MPPED1: variants seen among roughly 807,000 people sequenced by gnomAD.
The protein encoded by MPPED1 is metallophosphoesterase domain containing 1.
In MPPED1, 16 loss-of-function variants were observed where a neutral mutation model predicts 36.2. The ratio of observed to expected loss-of-function variants is 0.44; its 90% CI spans 0.30 to 0.67. The LOEUF (loss-of-function observed/expected upper bound fraction) is 0.67. Ranked by LOEUF, MPPED1 falls within the 30% of genes least tolerant of loss-of-function variation. MPPED1 has a pLI of 0.10. For missense variants in MPPED1, 307 were observed against 453.4 expected (o/e 0.68, Z 2.93); for synonymous variants, 199 against 191.3 (o/e 1.04, Z -0.33).
At chr22:43,437,875 C>A (rs925451095) in intron 3 of MPPED1, among the ~76,000 whole-genome samples, 1 of 152,120 alleles carries the variant, frequency 6.6e-6, no homozygotes, top group Non-Finnish European at 1.5e-5. Context: ...GGACCTGAAC[C>A]TTGAGGTTGA....
At chr22:43,433,218 C>T (rs1929827950) in intron 2 of MPPED1, among the ~76,000 whole-genome samples, 1 of 152,034 alleles carries the variant, frequency 6.6e-6, no homozygotes, top group Non-Finnish European at 1.5e-5. Context: ...ATGGAAGCTT[C>T]CAGAAGACCC....
At chr22:43,477,463 C>T (rs1423554955) in intron 4 of MPPED1, among the ~76,000 whole-genome samples, 1 of 152,202 alleles carries the variant, frequency 6.6e-6, no homozygotes, top group Non-Finnish European at 1.5e-5. Flanking sequence ...GCCACTCTGG[C>T]CGCTACCCTC....
chr22:43,467,980 G>A (rs1355941128), intron 3 of MPPED1, among the ~76,000 whole-genome samples: 1 of 152,086 alleles, frequency 6.6e-6, no homozygotes, highest in East Asian at 1.9e-4. Context: ...GATTAATCTC[G>A]GAAGCACAAA....
chr22:43,439,088 G>A (rs191572934), intron 3 of MPPED1, among the ~76,000 whole-genome samples: 16 of 152,246 alleles, frequency 1.1e-4, no homozygotes, highest in African/African-American at 3.1e-4. Context: ...GACATCTAAC[G>A]GGGCTCTGCG....
intron 5 of MPPED1, among the ~76,000 whole-genome samples, chr22:43,499,614 A>ATGGTGGTGGTGGTGGTGG (rs1308716662): frequency 1.2e-4 from 1 of 8,550 alleles, no homozygotes; most frequent in African/African-American, 5.6e-4. Flanking sequence ...GGTGGTGGTG[A>ATGGTGGTGGTGGTGGTGG]TGGTGGTGGT....
At chr22:43,430,506 G>A (rs1310980224) in intron 2 of MPPED1, among the ~76,000 whole-genome samples, 1 of 152,168 alleles carries the variant, frequency 6.6e-6, no homozygotes, top group Non-Finnish European at 1.5e-5. Context: ...GGGGTCTGGC[G>A]TCGGAGGCCG....
rs557416446 is a variant in MPPED1 at position 43,486,897 on chromosome 22, A to G, written c.633-11338A>G. 6.2e-4 allele frequency among the ~76,000 whole-genome samples: 94 copies of G among 152,120 alleles called. 4 individuals are homozygous for G. In the South Asian group the frequency reaches 0.019, roughly 31 times the overall value. On this transcript the variant is annotated intron_variant, in intron 4 of 6. Coordinates refer to ENST00000443721, the MANE Select transcript of MPPED1 (RefSeq NM_001044370.2). ...ATGGGAGAGGGAGAGAGAATGGGAC[A>G]CTCAGCAGATGGCAGAGGTCTCAGA...
chr22:43,453,862 T>C (rs1930660080), intron 3 of MPPED1, among the ~76,000 whole-genome samples: 3 of 152,174 alleles, frequency 2.0e-5, no homozygotes, highest in South Asian at 2.1e-4. Context: ...ACCATTCACA[T>C]TGTTGTACAA....
At position 43,505,593 on chromosome 22, in the gene MPPED1, C is replaced by A. The variant is rs766777527; in HGVS notation, c.958C>A (p.Leu320Ile). The A allele has an allele frequency of 6.2e-7, 1 of 1,611,676 alleles. No homozygotes were observed. Among genetic ancestry groups the A allele is most frequent in the Non-Finnish European group, 8.5e-7 (1 of 1,179,032 alleles). ...CGTGAACCCGCCCATAGTCATCGAC[C>A]TCCCCACACCCCGGAACTCCTGACT... is the stretch of plus-strand genomic sequence containing the variant. ...QPVNPPIVID[L>I]PTPRNS The change falls in exon 7 of 7, where the codon CTC becomes ATC. Residue 320 changes from leucine (L) to isoleucine (I), a missense_variant. This residue lies in a region of MPPED1 where 132 missense variants were observed against 212.3 expected (regional missense o/e 0.62). Coordinates refer to ENST00000443721, the MANE Select transcript of MPPED1 (RefSeq NM_001044370.2).
intron 3 of MPPED1, among the ~76,000 whole-genome samples, chr22:43,448,087 C>G (rs1418762085): frequency 6.6e-6 from 1 of 151,838 alleles, no homozygotes; most frequent in Admixed American, 6.6e-5. Flanking sequence ...CAGGGTTTCA[C>G]CATGTTGGTG....
intron 3 of MPPED1, among the ~76,000 whole-genome samples, chr22:43,473,750 G>A (rs1931453619): frequency 6.6e-6 from 1 of 152,122 alleles, no homozygotes; most frequent in Admixed American, 6.5e-5. Flanking sequence ...GAACAGCTGT[G>A]GTGGTCTTGC....
intron 3 of MPPED1, among the ~76,000 whole-genome samples, chr22:43,461,956 G>A (rs2146868250): frequency 6.6e-6 from 1 of 152,296 alleles, no homozygotes; most frequent in African/African-American, 2.4e-5. Flanking sequence ...TTCCCATCAG[G>A]TGGCAACAGT....
At chr22:43,475,633 G>A (rs1211774916) in intron 4 of MPPED1, among the ~76,000 whole-genome samples, 1 of 131,318 alleles carries the variant, frequency 7.6e-6, no homozygotes, top group East Asian at 2.3e-4. Context: ...TGATGGTGGT[G>A]ATGATCGTCA....
At chr22:43,414,211 A>G (rs1929001307) in intron 1 of MPPED1, among the ~76,000 whole-genome samples, 1 of 152,226 alleles carries the variant, frequency 6.6e-6, no homozygotes, top group South Asian at 2.1e-4. Flanking sequence ...CAGCTCACCC[A>G]TGAGACTCTT....
chr22:43,423,053 TCTCAAACTCTTGAC>T (rs1473565616), intron 1 of MPPED1, among the ~76,000 whole-genome samples: 1 of 152,092 alleles, frequency 6.6e-6, no homozygotes, highest in Non-Finnish European at 1.5e-5. Context: ...GCCAGGCTGG[TCTCAAACTCTTGAC>T]CTCAGGTGAT....
rs372704811 is a variant in MPPED1 at position 43,504,620 on chromosome 22, T to C, written c.863-878T>C. Among the ~76,000 whole-genome samples, 943 of 151,708 alleles carry C rather than the reference T, an allele frequency of 6.2e-3. 15 individuals are homozygous for C. The highest frequency in any genetic ancestry group is 0.02 in the Middle Eastern group (6 of 294). ...GGTGGCGGTATGTTGGTGACGTTGA[T>C]GGCACTAGTGATGGTGGTGGTGAGA... On this transcript the variant is annotated intron_variant, in intron 6 of 6. Coordinates refer to ENST00000443721, the MANE Select transcript of MPPED1 (RefSeq NM_001044370.2).
chr22:43,475,930 G>A (rs1053040013), intron 4 of MPPED1, among the ~76,000 whole-genome samples: 1 of 104,694 alleles, frequency 9.6e-6, no homozygotes, highest in African/African-American at 3.6e-5. Context: ...GATGGTGATG[G>A]TGGTATGGTG....
intron 3 of MPPED1, among the ~76,000 whole-genome samples, chr22:43,465,005 A>C (rs947757546): frequency 5.9e-5 from 9 of 152,074 alleles, no homozygotes; most frequent in Non-Finnish European, 1.2e-4. Context: ...TGGGCACCCC[A>C]CCCCGGTACC....
chr22:43,450,114 A>G (rs1930511880), intron 3 of MPPED1, among the ~76,000 whole-genome samples: 1 of 152,150 alleles, frequency 6.6e-6, no homozygotes, highest in African/African-American at 2.4e-5. Context: ...CTCACGTGTC[A>G]GTGACCTCCC....
Sources: gnomAD v4.1 joint callset for allele counts (sites outside exome capture counted in the v4.1 genomes callset) on GRCh38, gnomAD v4.1.1 for gene constraint, gnomAD v4.1.1 regional missense constraint, MANE v1.5 for transcripts, NCBI Gene and HGNC (gene_info 2026-07-23, HGNC 2026-07-21) for gene names.